ABCA9: variants seen among roughly 807,000 people sequenced by gnomAD.
The protein encoded by ABCA9 is ATP-binding cassette sub-family A member 9.
In ABCA9, 183 loss-of-function variants were observed where a neutral mutation model predicts 205.3. That is an observed-to-expected ratio of 0.89 (90% CI 0.79 to 1.01). The LOEUF (loss-of-function observed/expected upper bound fraction) is 1.01. Among genes scored for constraint, ABCA9 ranks in the 50% least tolerant of loss-of-function variants. ABCA9 has a pLI of 0.00. For missense variants in ABCA9, 1,805 were observed against 1,912.4 expected, an observed-to-expected ratio of 0.94 and a Z score of 1.05; for synonymous variants, 651 against 683.3, an observed-to-expected ratio of 0.95 and a Z score of 0.74.
chr17:69,038,329 G>A lies in ABCA9; in HGVS notation c.801-2528C>T, dbSNP rs374050257. Among the ~76,000 whole-genome samples, 25 of 152,272 alleles carry A rather than the reference G, an allele frequency of 1.6e-4. 1 individual carries two copies. The highest frequency in any genetic ancestry group is 5.8e-4 in the African/African-American group (24 of 41,562). ...TGCAAAAATCCTCAATAAAATACTG[G>A]CAAACGGAATCCAGCAGCACATCAA... On this transcript the variant is annotated intron_variant, in intron 6 of 38. Transcript: ENST00000340001.
At chr17:68,982,516 G>A (rs1365538928) in intron 37 of ABCA9, 46 bp downstream of exon 37, 1 of 1,423,226 alleles carries the variant, frequency 7.0e-7, no homozygotes, top group Non-Finnish European at 9.9e-7. Context: ...GTCAGATTTA[G>A]GCTTATCTGT....
At chr17:69,014,353 A>T (rs191875502) in intron 22 of ABCA9, among the ~76,000 whole-genome samples, 48 of 152,312 alleles carry the variant, frequency 3.2e-4, no homozygotes, top group Middle Eastern at 3.4e-3. Flanking sequence ...TAAAAGGTGC[A>T]CATGAAACAA....
At chr17:69,024,119 C>A in intron 17 of ABCA9, 95 bp downstream of exon 17, 2 of 1,354,510 alleles carry the variant, frequency 1.5e-6, no homozygotes, top group Middle Eastern at 2.6e-4. Flanking sequence ...TGCCATTCAT[C>A]TAGCAAGCAT....
upstream of ABCA9, among the ~76,000 whole-genome samples, chr17:69,062,778 G>T (rs1408182988): frequency 6.6e-6 from 1 of 152,130 alleles, no homozygotes; most frequent in African/African-American, 2.4e-5. Flanking sequence ...CCCACAAAGT[G>T]CTGGGATTAC....
intron 37 of ABCA9, among the ~76,000 whole-genome samples, chr17:68,978,607 G>A (rs966262380): frequency 3.3e-5 from 5 of 152,092 alleles, no homozygotes; most frequent in African/African-American, 4.8e-5. Flanking sequence ...GGCTGGTACC[G>A]GTTGTTCCTT....
At chr17:69,029,999 TATGTAATGAACCTCCAC>T (rs2071107683) in intron 10 of ABCA9, among the ~76,000 whole-genome samples, 2 of 152,248 alleles carry the variant, frequency 1.3e-5, no homozygotes, top group African/African-American at 4.8e-5. Context: ...CAACTTTACC[TATGTAATGAACCTCCAC>T]ATGTACCCCT....
At chr17:68,987,843 C>T (rs542889905) in intron 31 of ABCA9, among the ~76,000 whole-genome samples, 130 of 151,660 alleles carry the variant, frequency 8.6e-4, no homozygotes, top group Non-Finnish European at 1.5e-3. Context: ...TCACCGCAAC[C>T]TTGGCCTCCC....
At chr17:69,076,224 A>T in the ABCA9 span, among the ~76,000 whole-genome samples, 8 of 152,256 alleles carry the variant, frequency 5.3e-5, no homozygotes, top group Non-Finnish European at 1.0e-4. Context: ...GGTTTTTATC[A>T]TGAAGGGATG....
upstream of ABCA9, among the ~76,000 whole-genome samples, chr17:69,063,186 T>C (rs1245633153): frequency 6.6e-6 from 1 of 152,232 alleles, no homozygotes; most frequent in Non-Finnish European, 1.5e-5. Flanking sequence ...TATCTCTGTT[T>C]ATTCCATTAT....
chr17:69,023,756 G>A lies in ABCA9; in HGVS notation c.2281+458C>T, dbSNP rs938239845. Among the ~76,000 whole-genome samples, 2 of 152,092 alleles carry A rather than the reference G, an allele frequency of 1.3e-5. No individual in the cohort carries two copies. The highest frequency in any genetic ancestry group is 2.4e-5 in the African/African-American group (1 of 41,422). On this transcript the variant is annotated intron_variant, in intron 17 of 38. Coordinates refer to ENST00000340001, the MANE Select transcript of ABCA9 (RefSeq NM_080283.4). The surrounding 1 kb of genome is among the most constrained non-coding windows in gnomAD (Gnocchi z 4.2). The stretch of plus-strand genomic sequence containing the variant: ...CATTGAAGTGTTTGGCAGAATGCAC[G>A]CCAATCCAAGTTATGTTCAATAACT...
At chr17:69,003,680 G>A (rs1205228141) in intron 25 of ABCA9, among the ~76,000 whole-genome samples, 6 of 150,654 alleles carry the variant, frequency 4.0e-5, no homozygotes, top group Non-Finnish European at 7.4e-5. Flanking sequence ...GCTAGATTGG[G>A]GAAATTCTCC....
rs751260263 is a variant in ABCA9, at chr17:69,007,748, T to C, written c.3435+11A>G. 6.9e-7 allele frequency: 1 copy of C among 1,446,132 alleles called. No individual in the cohort carries two copies. The highest frequency in any genetic ancestry group is 1.7e-5 in the Admixed American group (1 of 59,514). 89.6% of individuals were successfully genotyped at this position (1,446,132 alleles called of 1,614,324 possible). On this transcript the variant is annotated intron_variant, in intron 25 of 38. Coordinates refer to ENST00000340001, the MANE Select transcript of ABCA9 (RefSeq NM_080283.4). ...AAATGGTAAAATAATAGGTAGTATA[T>C]GCATACTCACAATTAAGAAGAAAAA...
intron 15 of ABCA9, among the ~76,000 whole-genome samples, 187 bp downstream of exon 15, chr17:69,026,789 C>A (rs946539345): frequency 3.9e-5 from 6 of 152,166 alleles, no homozygotes; most frequent in Non-Finnish European, 8.8e-5. Context: ...AGCTGCTCTG[C>A]AATGGGCTCA....
chr17:69,046,071 C>A (rs570610173), intron 3 of ABCA9, among the ~76,000 whole-genome samples: 155 of 152,178 alleles, frequency 1.0e-3, no homozygotes, highest in African/African-American at 3.5e-3. Flanking sequence ...ACCAATACAT[C>A]AATTTAAATT....
At chr17:69,078,111 A>G in the ABCA9 span, among the ~76,000 whole-genome samples, 1 of 152,076 alleles carries the variant, frequency 6.6e-6, no homozygotes, top group East Asian at 1.9e-4. Flanking sequence ...CTTTATTTTC[A>G]AAAGGTATAA....
rs2070608043 is a variant in ABCA9 at position 69,016,266 on chromosome 17, C to G, written c.3026G>C (p.Ser1009Thr). Residue 1009 changes from serine (S) to threonine (T), a missense_variant, in exon 22 of 39, where the codon AGC (serine) becomes ACC (threonine). By Grantham distance (58) the Ser-to-Thr change is moderately conservative. Coordinates refer to ENST00000340001, the MANE Select transcript of ABCA9 (RefSeq NM_080283.4). ...AATTATACTTACTTCAAAAAATGTG[C>G]TTCTGTCAGTCTGAATGTGTTCTGA... The part of the protein sequence containing the change: ...NSSEHIQTDR[S>T]TFFEEHMDYE... 1 of 1,576,498 alleles carries G rather than the reference C, an allele frequency of 6.3e-7. No individual in the cohort carries two copies. The highest frequency in any genetic ancestry group is 1.4e-5 in the African/African-American group (1 of 72,288).
chr17:69,046,788 A>G (rs2071720412), intron 3 of ABCA9, among the ~76,000 whole-genome samples: 2 of 149,912 alleles, frequency 1.3e-5, no homozygotes, highest in Non-Finnish European at 1.5e-5. Context: ...ATAATAAGAA[A>G]TCTTGAGGAT....
At position 69,007,871 on chromosome 17, in the gene ABCA9, A is replaced by C. The variant is rs1488813068; in HGVS notation, c.3323T>G (p.Ile1108Ser). Residue 1108 changes from isoleucine to serine, a missense_variant and splice_region_variant, in exon 25 of 39, where the codon ATC becomes AGC. Coordinates refer to ENST00000340001, the MANE Select transcript of ABCA9 (RefSeq NM_080283.4). Reference sequence around the variant, plus strand: ...TGAGACATAGCCAATACTACACAGGATCTGAAAACAGAAATGTTAAGGTCC... The same window carrying C: ...TGAGACATAGCCAATACTACACAGGCTCTGAAAACAGAAATGTTAAGGTCC... ...IFIIQNLLIQ[I>S]LCSIGYVSSL... 1.1e-5 allele frequency: 17 copies of C among 1,570,648 alleles called. No individual in the cohort carries two copies. The highest frequency in any genetic ancestry group is 1.5e-5 in the Non-Finnish European group (17 of 1,143,910).
chr17:69,050,925 C>T (rs909407506), intron 2 of ABCA9, 106 bp downstream of exon 2: 1 of 946,386 alleles, frequency 1.1e-6, no homozygotes, highest in Admixed American at 3.3e-5. Flanking sequence ...GTTAATTAGA[C>T]TACACATATG....
Sources: allele counts gnomAD v4.1 joint callset (sites outside exome capture counted in the v4.1 genomes callset), GRCh38; gene constraint gnomAD v4.1.1; non-coding constraint Gnocchi (gnomAD v3.1); transcripts MANE v1.5; gene names NCBI Gene and HGNC (gene_info 2026-07-23, HGNC 2026-07-21).